Variants in DLG2 observed in about 807,000 individuals in gnomAD.
DLG2 encodes disks large homolog 2.
Under a neutral mutation model 132.5 loss-of-function variants are expected in DLG2, and 45 were observed. The ratio of observed to expected loss-of-function variants is 0.34; its 90% CI spans 0.27 to 0.44. DLG2 has a LOEUF of 0.44. Among genes scored for constraint, DLG2 ranks in the 20% least tolerant of loss-of-function variants. DLG2 has a pLI of 1.00. For missense variants in DLG2, 1,045 were observed against 1,196.9 expected, an observed-to-expected ratio of 0.87 and a Z score of 1.87; for synonymous variants, 424 against 419.6, an observed-to-expected ratio of 1.01 and a Z score of -0.13.
intron 3 of DLG2, among the ~76,000 whole-genome samples, chr11:85,427,399 G>A (rs1372076499): frequency 1.3e-5 from 2 of 152,186 alleles, no homozygotes; most frequent in African/African-American, 4.8e-5. Context: ...ACCCACAAAG[G>A]GAAGGCCATC....
At chr11:83,557,109 T>G (rs1334650719) in intron 19 of DLG2, among the ~76,000 whole-genome samples, 2 of 152,216 alleles carry the variant, frequency 1.3e-5, no homozygotes, top group Non-Finnish European at 2.9e-5. Flanking sequence ...CAGTATTTCT[T>G]AGGTGTTTCT....
chr11:84,432,348 G>C (rs1312960105), intron 7 of DLG2, among the ~76,000 whole-genome samples: 1 of 152,234 alleles, frequency 6.6e-6, no homozygotes. Flanking sequence ...TATGATGACA[G>C]AGAGGAAAGC....
At chr11:83,802,899 G>A (rs898148323) in intron 17 of DLG2, among the ~76,000 whole-genome samples, 2 of 152,064 alleles carry the variant, frequency 1.3e-5, no homozygotes, top group African/African-American at 4.8e-5. Context: ...GGGGAGGGGA[G>A]AAATGCTGAA....
intron 11 of DLG2, among the ~76,000 whole-genome samples, chr11:84,018,843 T>C (rs1406800720): frequency 6.6e-6 from 1 of 150,728 alleles, no homozygotes; most frequent in African/African-American, 2.4e-5. Flanking sequence ...AAAGACAAAT[T>C]AAGCTAAAAA....
At chr11:83,669,907 T>C (rs568977823) in intron 18 of DLG2, among the ~76,000 whole-genome samples, 39 of 152,226 alleles carry the variant, frequency 2.6e-4, no homozygotes, top group Non-Finnish European at 4.3e-4. Context: ...GGAAGAGCTA[T>C]GGATTTAAGA....
At chr11:83,484,102 T>G in intron 22 of DLG2, 27 bp downstream of exon 22, 35 of 1,585,320 alleles carry the variant, frequency 2.2e-5, no homozygotes, top group Non-Finnish European at 2.9e-5. Flanking sequence ...ATGTTGCATG[T>G]GACATTATCT....
chr11:84,028,358 A>C (rs1439717347), intron 11 of DLG2, among the ~76,000 whole-genome samples: 1 of 152,078 alleles, frequency 6.6e-6, no homozygotes, highest in African/African-American at 2.4e-5. Context: ...AATTTTGACT[A>C]TTTGGCTTGC....
chr11:83,641,108 TC>T (rs2153480571), intron 18 of DLG2, among the ~76,000 whole-genome samples: 1 of 152,284 alleles, frequency 6.6e-6, no homozygotes, highest in Admixed American at 6.5e-5. Context: ...AAAAGCACCA[TC>T]AATGAATAAA....
intron 21 of DLG2, among the ~76,000 whole-genome samples, chr11:83,525,255 A>G (rs1295623321): frequency 6.6e-6 from 1 of 152,130 alleles, no homozygotes; most frequent in African/African-American, 2.4e-5. Context: ...TCTGAGAACC[A>G]TTTTCAGAAA....
intron 3 of DLG2, among the ~76,000 whole-genome samples, chr11:85,423,785 A>G (rs1303779855): frequency 6.6e-6 from 1 of 152,098 alleles, no homozygotes; most frequent in African/African-American, 2.4e-5. Context: ...CCATGCCCCC[A>G]CCAACAGAAC....
At chr11:84,000,308 C>A (rs913716461) in intron 11 of DLG2, among the ~76,000 whole-genome samples, 1 of 151,904 alleles carries the variant, frequency 6.6e-6, no homozygotes, top group East Asian at 1.9e-4. Context: ...TTGAAATAAA[C>A]CAGTCAGACA....
chr11:85,523,690 A>T (rs557724921), intron 3 of DLG2, among the ~76,000 whole-genome samples: 1 of 152,318 alleles, frequency 6.6e-6, no homozygotes, highest in South Asian at 2.1e-4. Context: ...AAGAAACTAG[A>T]AATAGAACTA....
At chr11:84,686,636 T>TTTTG (rs2099738441) in intron 6 of DLG2, among the ~76,000 whole-genome samples, 1 of 150,342 alleles carries the variant, frequency 6.7e-6, no homozygotes, top group Non-Finnish European at 1.5e-5. Flanking sequence ...TGAGGTTTTT[T>TTTTG]TTTTTTTTTT....
At chr11:83,845,678 G>T (rs1025542938) in intron 16 of DLG2, among the ~76,000 whole-genome samples, 1 of 152,210 alleles carries the variant, frequency 6.6e-6, no homozygotes, top group Non-Finnish European at 1.5e-5. Flanking sequence ...AACATACTGT[G>T]GTTGGTACTG....
intron 8 of DLG2, among the ~76,000 whole-genome samples, chr11:84,244,235 G>A (rs1350894395): frequency 1.3e-5 from 2 of 151,984 alleles, no homozygotes; most frequent in Middle Eastern, 3.2e-3. Context: ...CAGGGTGGGA[G>A]TGCAGTGGCA....
intron 3 of DLG2, among the ~76,000 whole-genome samples, chr11:85,374,951 CA>C (rs2085287822): frequency 6.6e-6 from 1 of 151,882 alleles, no homozygotes; most frequent in Admixed American, 6.6e-5. Context: ...AATTTAATTT[CA>C]AATTATTCAG....
chr11:84,998,409 C>G (rs2057886492), intron 6 of DLG2, among the ~76,000 whole-genome samples: 2 of 152,158 alleles, frequency 1.3e-5, no homozygotes, highest in Admixed American at 6.6e-5. Context: ...CACCATGATT[C>G]TAAGTTTCCT....
chr11:84,844,125 GTGTGTGTGTGTATATATA>G (rs749440535), intron 6 of DLG2, among the ~76,000 whole-genome samples: 98 of 34,388 alleles, frequency 2.8e-3, no homozygotes, highest in Non-Finnish European at 4.5e-3. Flanking sequence ...GTGTGTGTGT[GTGTGTGTGTGTATATATA>G]TATATATATA....
intron 19 of DLG2, among the ~76,000 whole-genome samples, chr11:83,630,783 G>A (rs1351756332): frequency 6.6e-6 from 1 of 152,124 alleles, no homozygotes; most frequent in African/African-American, 2.4e-5. Flanking sequence ...CTCTGTCTCT[G>A]TTCTCCTCAG....
Sources: gnomAD v4.1 joint callset for allele counts (sites outside exome capture counted in the v4.1 genomes callset) on GRCh38, gnomAD v4.1.1 for gene constraint, MANE v1.5 for transcripts, NCBI Gene and HGNC (gene_info 2026-07-23, HGNC 2026-07-21) for gene names.